The following ITPR2 variants were observed in gnomAD, a reference collection of about 807,000 sequenced individuals.
The protein encoded by ITPR2 is inositol 1,4,5-trisphosphate receptor type 2.
ITPR2 carries 207 observed loss-of-function variants against 317.1 expected under a neutral mutation model. The ratio of observed to expected loss-of-function variants is 0.65; its 90% confidence interval spans 0.58 to 0.73. The LOEUF is 0.73. Among genes scored for constraint, ITPR2 ranks in the 30% least tolerant of loss-of-function variants. The pLI, the probability that ITPR2 is intolerant of heterozygous loss-of-function variation, is 0.00. For synonymous variants in ITPR2, 1,156 were observed against 1,149.1 expected (o/e 1.01, Z -0.12); for missense variants, 2,613 against 3,284.0 (o/e 0.80, Z 4.99).
intron 13 of ITPR2, among the ~76,000 whole-genome samples, chr12:26,679,517 A>G (rs903198199): frequency 6.6e-6 from 1 of 152,070 alleles, no homozygotes; most frequent in African/African-American, 2.4e-5. Context: ...CTCCCCTCTA[A>G]GAAGAAACAC....
chr12:26,629,822 T>G (rs555939289), intron 22 of ITPR2, among the ~76,000 whole-genome samples: 1 of 152,128 alleles, frequency 6.6e-6, no homozygotes, highest in Non-Finnish European at 1.5e-5. Context: ...ACATCCTCCA[T>G]GTCAGCTGTA....
At chr12:26,741,148 G>A (rs1187610479) in intron 2 of ITPR2, among the ~76,000 whole-genome samples, 1 of 152,234 alleles carries the variant, frequency 6.6e-6, no homozygotes, top group Non-Finnish European at 1.5e-5. Flanking sequence ...CTGAGGAGAG[G>A]AGGCTCCCAT....
At chr12:26,354,803 G>T (rs879503158) in intron 55 of ITPR2, among the ~76,000 whole-genome samples, 1 of 152,098 alleles carries the variant, frequency 6.6e-6, no homozygotes, top group Admixed American at 6.5e-5. Flanking sequence ...CAAGTAGCTG[G>T]GATGACAGAC....
chr12:26,620,613 C>A (rs368462628), intron 26 of ITPR2, among the ~76,000 whole-genome samples: 4 of 152,064 alleles, frequency 2.6e-5, no homozygotes, highest in African/African-American at 9.7e-5. Flanking sequence ...ACTAAAAAAG[C>A]CAATACAACA....
At chr12:26,676,413 G>T (rs1565685175) in intron 13 of ITPR2, among the ~76,000 whole-genome samples, 1 of 148,684 alleles carries the variant, frequency 6.7e-6, no homozygotes. Context: ...CGAGGCGGAG[G>T]TTGCAGTGAG....
intron 45 of ITPR2, among the ~76,000 whole-genome samples, chr12:26,447,436 G>T (rs1159408373): frequency 6.6e-6 from 1 of 151,770 alleles, no homozygotes; most frequent in Non-Finnish European, 1.5e-5. Flanking sequence ...ATTTTTAGTG[G>T]CATCCTTTAT....
In ITPR2 at chr12:26,734,985, T is replaced by C. The variant is rs1394604529; in HGVS notation, c.164-9220A>G. Among the ~76,000 whole-genome samples, 5 of 149,076 alleles carry C rather than the reference T, an allele frequency of 3.4e-5. No homozygotes were observed. The East Asian group carries it at 9.9e-4, about 30-fold the overall frequency. ...TTAACAAACTGTAATTGTGTAATTG[T>C]GCAAGCCAGTCTTTTTTTTTTTTTT... On this transcript the variant is annotated intron_variant, in intron 2 of 56. Transcript: ENST00000381340.
intron 55 of ITPR2, among the ~76,000 whole-genome samples, chr12:26,380,290 A>C (rs1046895945): frequency 7.2e-5 from 11 of 152,336 alleles, no homozygotes; most frequent in Non-Finnish European, 1.6e-4. Flanking sequence ...ACATCTGTGC[A>C]AAAATGAGGT....
chr12:26,448,002 T>TAAAAAAAA lies in ITPR2; in HGVS notation c.6343-4360_6343-4353dup, dbSNP rs10648745. Among the ~76,000 whole-genome samples the TAAAAAAAA allele has an allele frequency of 9.9e-3, 1,460 of 147,580 alleles. 25 individuals are homozygous for TAAAAAAAA. The highest frequency in any genetic ancestry group is 0.035 in the African/African-American group (1,388 of 39,764). On this transcript the variant is annotated intron_variant, in intron 45 of 56. Coordinates refer to ENST00000381340, the MANE Select transcript of ITPR2 (RefSeq NM_002223.4). ...TGTACCCTTTTACATGACTTTTTTT[T>TAAAAAAAA]AAAAAAAAAAAAACCCAGCATCCAA...
chr12:26,532,577 T>C (rs1460406088), intron 37 of ITPR2, among the ~76,000 whole-genome samples: 2 of 152,226 alleles, frequency 1.3e-5, no homozygotes, highest in Non-Finnish European at 2.9e-5. Flanking sequence ...TGTAAAGTGT[T>C]GGGATCACAG....
At chr12:26,764,970 T>A (rs1275616666) in intron 2 of ITPR2, among the ~76,000 whole-genome samples, 1 of 152,102 alleles carries the variant, frequency 6.6e-6, no homozygotes, top group Non-Finnish European at 1.5e-5. Flanking sequence ...GCAAATTTTT[T>A]ACCCACATTT....
intron 1 of ITPR2, among the ~76,000 whole-genome samples, chr12:26,832,286 G>C (rs1282040222): frequency 6.6e-6 from 1 of 152,250 alleles, no homozygotes. Flanking sequence ...CCGGCACTGA[G>C]AGACCAGGGG....
At chr12:26,641,266 G>T (rs1946978659) in intron 21 of ITPR2, among the ~76,000 whole-genome samples, 1 of 151,732 alleles carries the variant, frequency 6.6e-6, no homozygotes, top group African/African-American at 2.4e-5. Context: ...TCTTTAATAT[G>T]ACCTGAAAAA....
chr12:26,778,578 G>A (rs953334151), intron 2 of ITPR2, among the ~76,000 whole-genome samples: 2 of 152,214 alleles, frequency 1.3e-5, no homozygotes, highest in African/African-American at 4.8e-5. Flanking sequence ...CGGCTGGCAA[G>A]GCCAGCAATA....
intron 44 of ITPR2, among the ~76,000 whole-genome samples, chr12:26,475,891 C>T (rs745369183): frequency 2.0e-5 from 3 of 152,068 alleles, no homozygotes; most frequent in Non-Finnish European, 4.4e-5. Context: ...TCTGAGGAAG[C>T]GCAGAGCAGG....
intron 34 of ITPR2, among the ~76,000 whole-genome samples, chr12:26,570,766 A>G (rs1335570941): frequency 6.6e-6 from 1 of 152,206 alleles, no homozygotes; most frequent in Admixed American, 6.5e-5. Context: ...TCAAAGTCCT[A>G]TACTTCTACC....
At chr12:26,537,260 C>A (rs1168639815) in intron 37 of ITPR2, among the ~76,000 whole-genome samples, 1 of 152,154 alleles carries the variant, frequency 6.6e-6, no homozygotes, top group Non-Finnish European at 1.5e-5. Flanking sequence ...AGAGAGTGGG[C>A]AGTGGGCCTA....
chr12:26,631,954 C>T lies in ITPR2; in HGVS notation c.2846G>A (p.Ser949Asn), dbSNP rs779398355. 1 of 1,613,674 alleles carries T rather than the reference C, an allele frequency of 6.2e-7. No individual in the cohort carries two copies. Among genetic ancestry groups the T allele is most frequent in the South Asian group, 1.1e-5 (1 of 91,060 alleles). ...GCTCCCTTGCTTGCTCGGGTGGATG[C>T]TGGGTGGCACATCCGGCACGCTCAT... ...FPMSVPDVPP[S>N]IHPSKQGSPT... Residue 949 changes from serine (S) to asparagine (N), a missense_variant, in exon 22 of 57, where the codon AGC becomes AAC. By Grantham distance (46) the Ser-to-Asn change is conservative. Around this residue, in one of 9 missense-constraint regions of ITPR2, gnomAD observed 817 missense variants for 897.6 expected, o/e 0.91. Coordinates refer to ENST00000381340, the MANE Select transcript of ITPR2 (RefSeq NM_002223.4).
chr12:26,523,379 T>A (rs1943716691), intron 37 of ITPR2, among the ~76,000 whole-genome samples: 1 of 152,216 alleles, frequency 6.6e-6, no homozygotes, highest in African/African-American at 2.4e-5. Flanking sequence ...GAACTCACGA[T>A]TTGACACTTT....
Sources: gnomAD v4.1 joint callset for allele counts (sites outside exome capture counted in the v4.1 genomes callset) on GRCh38, gnomAD v4.1.1 for gene constraint, gnomAD v4.1.1 regional missense constraint, MANE v1.5 for transcripts, NCBI Gene and HGNC (gene_info 2026-07-23, HGNC 2026-07-21) for gene names.